The following COL11A1 variants were observed in gnomAD, a reference collection of about 807,000 sequenced individuals.
The protein encoded by COL11A1 is collagen alpha-1(XI) chain.
In COL11A1, 74 loss-of-function variants were observed where a neutral mutation model predicts 265.2. The observed-to-expected ratio is 0.28, with a 90% confidence interval of 0.23 to 0.34. The LOEUF is 0.34. Ranked by LOEUF, COL11A1 falls within the 10% of genes least tolerant of loss-of-function variation. The pLI is 1.00. For synonymous variants in COL11A1, 816 were observed against 727.6 expected (o/e 1.12, Z -1.96); for missense variants, 2,165 against 2,263.6 (o/e 0.96, Z 0.88).
In COL11A1 at chr1:102,881,662, G is replaced by A. The variant is rs371450827; in HGVS notation, c.5040+35C>T. On this transcript the variant is annotated intron_variant, in intron 65 of 66. Transcript: ENST00000370096. ...AATCAGAATGTCACTTCTTGAGTTCGTGAAAAATCGTTTCATGTTGAGGTA... is the reference window on the plus strand; with the variant it reads ...AATCAGAATGTCACTTCTTGAGTTCATGAAAAATCGTTTCATGTTGAGGTA... The A allele has an allele frequency of 2.5e-4, 378 of 1,513,946 alleles. 1 individual carries two copies. The highest frequency in any genetic ancestry group is 5.1e-4 in the Middle Eastern group (3 of 5,896). The allele number at this position is 1,513,946 out of a possible 1,614,324, so 93.8% of individuals were successfully genotyped here.
chr1:103,075,541 G>A (rs1671907838), intron 3 of COL11A1, among the ~76,000 whole-genome samples: 1 of 152,094 alleles, frequency 6.6e-6, no homozygotes, highest in Admixed American at 6.6e-5. Context: ...TGACAGGCTT[G>A]GCTGGGGAGA....
chr1:103,098,840 A>T (rs1674001329), intron 1 of COL11A1, among the ~76,000 whole-genome samples: 1 of 151,874 alleles, frequency 6.6e-6, no homozygotes, highest in South Asian at 2.1e-4. Flanking sequence ...TACTTTCAGA[A>T]ATAACAAAGT....
intron 5 of COL11A1, among the ~76,000 whole-genome samples, chr1:103,027,338 TAA>T (rs1667599633): frequency 4.2e-5 from 6 of 144,308 alleles, no homozygotes; most frequent in Non-Finnish European, 9.0e-5. Context: ...TAAAAATAAC[TAA>T]ATACACTAAG....
chr1:103,107,226 T>A (rs1674763310), intron 1 of COL11A1, among the ~76,000 whole-genome samples: 1 of 151,954 alleles, frequency 6.6e-6, no homozygotes, highest in Non-Finnish European at 1.5e-5. Context: ...TATTTGGTGG[T>A]GCCACGTAGG....
chr1:103,011,292 T>C lies in COL11A1; in HGVS notation c.1629+1121A>G, dbSNP rs12135980. On this transcript the variant is annotated intron_variant, in intron 14 of 66. Coordinates refer to ENST00000370096, the MANE Select transcript of COL11A1 (RefSeq NM_001854.4). ...ACTCTATTTCATTGGTTAAGTGATA[T>C]AGAATCTGCCATATTACTGTATTTT... 4.2e-3 allele frequency among the ~76,000 whole-genome samples: 643 copies of C among 152,292 alleles called. 3 individuals are homozygous for C. Among genetic ancestry groups the C allele is most frequent in the Non-Finnish European group, 7.1e-3 (486 of 67,998 alleles).
intron 4 of COL11A1, among the ~76,000 whole-genome samples, chr1:103,035,097 C>A (rs1668261956): frequency 6.6e-6 from 1 of 152,100 alleles, no homozygotes; most frequent in African/African-American, 2.4e-5. Context: ...CAGTTTACAA[C>A]ACTGTCTTAG....
intron 31 of COL11A1, among the ~76,000 whole-genome samples, chr1:102,983,476 G>A (rs1663235607): frequency 6.6e-6 from 1 of 151,976 alleles, no homozygotes. Context: ...AAGAGAATAA[G>A]ACACACAGAA....
intron 9 of COL11A1, among the ~76,000 whole-genome samples, chr1:103,020,861 G>T (rs1666989773): frequency 7.2e-6 from 1 of 138,170 alleles, no homozygotes; most frequent in Non-Finnish European, 1.6e-5. Context: ...TTTCCCCATT[G>T]CTTGTTTTTG....
At chr1:103,075,127 G>A (rs1671876668) in intron 3 of COL11A1, among the ~76,000 whole-genome samples, 3 of 151,990 alleles carry the variant, frequency 2.0e-5, no homozygotes, top group South Asian at 2.1e-4. Context: ...TGGGATATGG[G>A]GTAAGTAATA....
chr1:103,059,435 C>A (rs1394371235), intron 4 of COL11A1, among the ~76,000 whole-genome samples: 2 of 152,034 alleles, frequency 1.3e-5, no homozygotes, highest in Admixed American at 6.6e-5. Flanking sequence ...AACATAGTTT[C>A]TTTTACCCAG....
chr1:102,906,230 A>C (rs1653963935), intron 54 of COL11A1, among the ~76,000 whole-genome samples: 1 of 152,172 alleles, frequency 6.6e-6, no homozygotes, highest in African/African-American at 2.4e-5. Flanking sequence ...ACTGAGACTC[A>C]AATAAATTAA....
chr1:102,999,259 C>T (rs1664901277), intron 24 of COL11A1, among the ~76,000 whole-genome samples: 1 of 151,836 alleles, frequency 6.6e-6, no homozygotes, highest in East Asian at 1.9e-4. Context: ...TGCAGTTTTA[C>T]AAGAAAATTT....
intron 4 of COL11A1, among the ~76,000 whole-genome samples, chr1:103,038,810 A>C (rs1668581086): frequency 1.3e-5 from 2 of 152,204 alleles, no homozygotes; most frequent in East Asian, 1.9e-4. Flanking sequence ...ATTGAAGCCA[A>C]GTCAGCCATA....
chr1:103,001,437 G>GTGT, intron 24 of COL11A1: 1 of 407,282 alleles, frequency 2.5e-6, no homozygotes. Context: ...AAAAAGACAT[G>GTGT]TGTTTAATTA....
intron 29 of COL11A1, among the ~76,000 whole-genome samples, chr1:102,988,523 T>A (rs1291422611): frequency 6.6e-6 from 1 of 152,156 alleles, no homozygotes; most frequent in Non-Finnish European, 1.5e-5. Context: ...ATTTGGAGAT[T>A]GAAAGGCATA....
intron 66 of COL11A1, 65 bp downstream of exon 66, chr1:102,879,618 C>T (rs1465309560): frequency 1.0e-5 from 15 of 1,438,348 alleles, no homozygotes; most frequent in Middle Eastern, 1.7e-4. Flanking sequence ...GGCTAAGGAC[C>T]GACTGAAACG....
chr1:102,934,464 A>G lies in COL11A1; in HGVS notation c.3585T>C (p.Gly1195=), dbSNP rs1470633529. 4 of 1,613,022 alleles carry G rather than the reference A, an allele frequency of 2.5e-6. No homozygotes were observed. The African/African-American group carries it at 5.3e-5, about 22-fold the overall frequency. ...EGARGFPGPP[G]PIGLQGLPGP... ...ATCATCTTACCTGAAGACCTATTGG[A>G]CCAGGAGGTCCAGGGAAGCCTCTGG... Residue 1195 remains glycine (G), a synonymous_variant, in exon 46 of 67, where the codon GGT becomes GGC. Transcript: ENST00000370096.
intron 47 of COL11A1, 120 bp from the exon 48 acceptor site, chr1:102,921,691 G>A: frequency 1.2e-6 from 1 of 806,372 alleles, no homozygotes; most frequent in Non-Finnish European, 2.1e-6. Context: ...AGTTAGTGAA[G>A]CACATCAGGG....
rs560742566 is a variant in COL11A1, at chr1:102,922,320, C to T, written c.3655-749G>A. On this transcript the variant is annotated intron_variant, in intron 47 of 66. Coordinates refer to ENST00000370096, the MANE Select transcript of COL11A1 (RefSeq NM_001854.4). ...AAGAATATATCAATGATTCATGGAA[C>T]GATGGTAACCATATCTGGAAAGGAA... Among the ~76,000 whole-genome samples, 21 of 152,238 alleles carry T rather than the reference C, an allele frequency of 1.4e-4. No homozygotes were observed. The South Asian group carries it at 3.7e-3, about 27-fold the overall frequency.
Sources: gnomAD v4.1 joint callset for allele counts (sites outside exome capture counted in the v4.1 genomes callset) on GRCh38, gnomAD v4.1.1 for gene constraint, MANE v1.5 for transcripts, NCBI Gene and HGNC (gene_info 2026-07-23, HGNC 2026-07-21) for gene names.